Variants in IRAK1BP1 observed in about 807,000 individuals in gnomAD.
IRAK1BP1 encodes interleukin 1 receptor associated kinase 1 binding protein 1.
A neutral mutation model predicts 28.0 loss-of-function variants in IRAK1BP1; 24 were observed. That is an observed-to-expected ratio of 0.86 (90% CI 0.62 to 1.20). The LOEUF (loss-of-function observed/expected upper bound fraction) is 1.20, where lower values mean the gene tolerates loss of function less well. Ranked by LOEUF, IRAK1BP1 falls within the 50% of genes most tolerant of loss-of-function variation. The probability of loss-of-function intolerance (pLI) is 0.00; values close to 1 mark genes in which losing one functional copy is unlikely to be tolerated. For synonymous variants in IRAK1BP1, 131 were observed against 116.3 expected (o/e 1.13, Z -0.81); for missense variants, 336 against 316.7 (o/e 1.06, Z -0.46).
At chr6:78,888,504 C>A (rs912615626) in intron 2 of IRAK1BP1, among the ~76,000 whole-genome samples, 11 of 149,376 alleles carry the variant, frequency 7.4e-5, no homozygotes, top group Admixed American at 2.0e-4. Flanking sequence ...ATAAATTACA[C>A]CTCAGTACAG....
At chr6:78,869,886 A>C (rs1770731674) in intron 1 of IRAK1BP1, among the ~76,000 whole-genome samples, 1 of 151,968 alleles carries the variant, frequency 6.6e-6, no homozygotes, top group African/African-American at 2.4e-5. Flanking sequence ...AGGAGGGCAG[A>C]TCACCTGAGG....
chr6:78,973,005 G>C, the IRAK1BP1 span, among the ~76,000 whole-genome samples: 5 of 152,116 alleles, frequency 3.3e-5, no homozygotes, highest in African/African-American at 9.7e-5. Flanking sequence ...GGCCAACGTT[G>C]AGATTCAGGA....
At chr6:78,883,594 C>T (rs960057464) in intron 1 of IRAK1BP1, among the ~76,000 whole-genome samples, 10 of 151,960 alleles carry the variant, frequency 6.6e-5, no homozygotes, top group African/African-American at 2.4e-4. Context: ...AAAAATGAGA[C>T]ATGTTTTATG....
intron 1 of IRAK1BP1, among the ~76,000 whole-genome samples, chr6:78,878,499 C>T (rs1771094811): frequency 6.6e-6 from 1 of 152,112 alleles, no homozygotes; most frequent in Admixed American, 6.5e-5. Flanking sequence ...TGTACGTCAC[C>T]ATCATCAAAG....
At chr6:78,954,741 A>G in the IRAK1BP1 span, 48 of 903,472 alleles carry the variant, frequency 5.3e-5, no homozygotes, top group Non-Finnish European at 7.3e-5. Flanking sequence ...AAAAGTAACT[A>G]AAATAGCCAA....
chr6:78,948,822 C>G (rs573413381), downstream of IRAK1BP1, among the ~76,000 whole-genome samples: 1 of 152,062 alleles, frequency 6.6e-6, no homozygotes, highest in African/African-American at 2.4e-5. Flanking sequence ...CCTCAGTATG[C>G]GACTATATTT....
At chr6:78,904,934 T>TA (rs1336474481), downstream of IRAK1BP1, among the ~76,000 whole-genome samples, 1 of 152,216 alleles carries the variant, frequency 6.6e-6, no homozygotes, top group African/African-American at 2.4e-5. Context: ...TCTAAAAAGA[T>TA]ATAGTGATAC....
downstream of IRAK1BP1, chr6:78,947,904 C>T: frequency 2.0e-6 from 1 of 500,262 alleles, no homozygotes; most frequent in Non-Finnish European, 3.5e-6. Context: ...CTCCTGTTCC[C>T]CTTATCAAGA....
chr6:78,945,476 T>A (rs1275985483), exon 5 of IRAK1BP1: 1 of 1,607,828 alleles, frequency 6.2e-7, no homozygotes, highest in Admixed American at 1.7e-5. Context: ...AGCTTTGGAA[T>A]GTTTCACAGA....
the IRAK1BP1 span, chr6:78,965,867 CTCTT>C: frequency 1.7e-6 from 2 of 1,191,954 alleles, no homozygotes; most frequent in East Asian, 2.3e-5. Flanking sequence ...TAAAAGAAGT[CTCTT>C]TATCTCTTAA....
chr6:78,893,384 G>A (rs1771755409), intron 2 of IRAK1BP1, among the ~76,000 whole-genome samples: 1 of 141,458 alleles, frequency 7.1e-6, no homozygotes, highest in African/African-American at 2.6e-5. Flanking sequence ...TCCAGCAAAA[G>A]TAGTGCTGAA....
chr6:78,874,292 C>A (rs1253456482), intron 1 of IRAK1BP1, among the ~76,000 whole-genome samples: 3 of 152,162 alleles, frequency 2.0e-5, no homozygotes, highest in African/African-American at 4.8e-5. Context: ...CAGATGTGAT[C>A]ATCCTAAGTA....
chr6:78,909,570 T>C (rs755826477), intron 4 of IRAK1BP1, among the ~76,000 whole-genome samples: 11 of 152,342 alleles, frequency 7.2e-5, no homozygotes, highest in African/African-American at 2.2e-4. Flanking sequence ...AAATGCAGAA[T>C]TGCACAACTC....
chr6:78,972,248 G>A, the IRAK1BP1 span, among the ~76,000 whole-genome samples: 1 of 152,186 alleles, frequency 6.6e-6, no homozygotes, highest in South Asian at 2.1e-4. Context: ...TAACTGGGAG[G>A]CACCCTCCAG....
At chr6:78,870,741 G>C (rs1290728167) in intron 1 of IRAK1BP1, among the ~76,000 whole-genome samples, 1 of 151,400 alleles carries the variant, frequency 6.6e-6, no homozygotes, top group Non-Finnish European at 1.5e-5. Context: ...ATGGAGTTTC[G>C]CTTTTGTCGC....
chr6:78,929,371 AGTCAT>A lies in IRAK1BP1; in HGVS notation c.*68-16031_*68-16027del, dbSNP rs374117942. 1.2e-3 allele frequency among the ~76,000 whole-genome samples: 188 copies of A among 152,342 alleles called. 1 individual carries two copies. The highest frequency in any genetic ancestry group is 4.4e-3 in the African/African-American group (181 of 41,584). Reference sequence around the variant, plus strand: ...AATACTAAGCAGCCATAAGAAATGAAGTCATGTCATTTGCAGCAACATGGATGCAC... The same window carrying A: ...AATACTAAGCAGCCATAAGAAATGAAGTCATTTGCAGCAACATGGATGCAC... On this transcript the variant is annotated intron_variant and NMD_transcript_variant, in intron 4 of 4. Transcript: ENST00000606868.
chr6:78,928,681 G>A (rs1772957448), intron 4 of IRAK1BP1, among the ~76,000 whole-genome samples: 1 of 152,096 alleles, frequency 6.6e-6, no homozygotes, highest in African/African-American at 2.4e-5. Context: ...ATTATGTTGA[G>A]ATATGTCCCT....
At chr6:78,868,391 G>T (rs1283677960) in intron 1 of IRAK1BP1, among the ~76,000 whole-genome samples, 1 of 152,242 alleles carries the variant, frequency 6.6e-6, no homozygotes, top group African/African-American at 2.4e-5. Context: ...ACGTTGGGAA[G>T]TGGGGAAGAA....
intron 4 of IRAK1BP1, among the ~76,000 whole-genome samples, chr6:78,925,516 G>A (rs1772864487): frequency 2.0e-5 from 3 of 152,050 alleles, no homozygotes; most frequent in Admixed American, 1.3e-4. Context: ...AACAGTTCCT[G>A]TTAAAAAGTC....
Sources: gnomAD v4.1 joint callset for allele counts (sites outside exome capture counted in the v4.1 genomes callset) on GRCh38, gnomAD v4.1.1 for gene constraint, MANE v1.5 for transcripts, NCBI Gene and HGNC (gene_info 2026-07-23, HGNC 2026-07-21) for gene names.